ACOT7: variants seen among roughly 807,000 people sequenced by gnomAD.
ACOT7 encodes cytosolic acyl coenzyme A thioester hydrolase.
ACOT7 carries 12 observed loss-of-function variants against 40.2 expected under a neutral mutation model. The observed-to-expected ratio is 0.30, with a 90% confidence interval of 0.19 to 0.48. The LOEUF (loss-of-function observed/expected upper bound fraction) is 0.48, where lower values mean the gene tolerates loss of function less well. Ranked by LOEUF, ACOT7 falls within the 20% of genes least tolerant of loss-of-function variation. The probability of loss-of-function intolerance (pLI) is 0.99; values close to 1 mark genes in which losing one functional copy is unlikely to be tolerated. For synonymous variants in ACOT7, 228 were observed against 219.5 expected (o/e 1.04, Z -0.34); for missense variants, 395 against 530.8 (o/e 0.74, Z 2.51).
intron 1 of ACOT7, among the ~76,000 whole-genome samples, chr1:6,387,859 C>T (rs1330834607): frequency 6.6e-6 from 1 of 152,202 alleles, no homozygotes; most frequent in East Asian, 1.9e-4. Flanking sequence ...AGCAAGAGAG[C>T]CAGCACTGTA....
At chr1:6,349,957 G>A (rs1641542839) in intron 1 of ACOT7, 91 bp from the exon 2 acceptor site, 3 of 1,205,860 alleles carry the variant, frequency 2.5e-6, no homozygotes, top group African/African-American at 3.0e-5. Flanking sequence ...GTCCCCAAAG[G>A]GCTCAATGGC....
intron 6 of ACOT7, chr1:6,295,252 G>C (rs1490698264): frequency 3.5e-6 from 1 of 284,556 alleles, no homozygotes; most frequent in East Asian, 6.9e-5. Context: ...ATCTCACCCT[G>C]CTGGGCAAGT....
intron 2 of ACOT7, among the ~76,000 whole-genome samples, chr1:6,346,696 G>A (rs1053269225): frequency 6.6e-6 from 1 of 152,238 alleles, no homozygotes; most frequent in Non-Finnish European, 1.5e-5. Context: ...AGGCAGCAGG[G>A]ACCAGCAGGG....
chr1:6,306,806 C>T lies in ACOT7; in HGVS notation c.712+11686G>A. ...TGTGTCCCACGTAGCAGTGGGGGCT[C>T]CGGCCAAACAAGGTCACGGAATTGG... On this transcript the variant is annotated intron_variant, in intron 6 of 8. Transcript: ENST00000361521. The surrounding 1 kb of genome is among the most constrained non-coding windows in gnomAD (Gnocchi z 4.3). 11 of 1,288,898 alleles carry T rather than the reference C, an allele frequency of 8.5e-6. No individual in the cohort carries two copies. Among genetic ancestry groups the T allele is most frequent in the Non-Finnish European group, 1.1e-5 (11 of 988,526 alleles). 79.8% of individuals were successfully genotyped at this position (1,288,898 alleles called of 1,614,324 possible).
intron 1 of ACOT7, among the ~76,000 whole-genome samples, chr1:6,381,860 C>T (rs1642341489): frequency 6.6e-6 from 1 of 151,880 alleles, no homozygotes; most frequent in African/African-American, 2.4e-5. Flanking sequence ...ATGAGCCGGG[C>T]GCGGTGGCTC....
At chr1:6,357,809 A>T (rs1319805452) in intron 1 of ACOT7, among the ~76,000 whole-genome samples, 1 of 151,650 alleles carries the variant, frequency 6.6e-6, no homozygotes, top group African/African-American at 2.4e-5. Context: ...GCACACATAA[A>T]TGCCTCCTCT....
At chr1:6,310,246 G>C (rs545339472) in intron 6 of ACOT7, among the ~76,000 whole-genome samples, 11 of 152,346 alleles carry the variant, frequency 7.2e-5, no homozygotes, top group African/African-American at 2.6e-4. Context: ...GGTGGGAAGA[G>C]GGTGAGGGCA....
At position 6,274,680 on chromosome 1, in the gene ACOT7, T is replaced by C. The variant is rs1639138605; in HGVS notation, c.1014+6422A>G. ...CCCAGCAGAGGCAAAAGAATCAAACTGGAGTGGAAAACTTTCCACTAAAAT... is the reference window on the plus strand; with the variant it reads ...CCCAGCAGAGGCAAAAGAATCAAACCGGAGTGGAAAACTTTCCACTAAAAT... On this transcript the variant is annotated intron_variant, in intron 8 of 8. Transcript: ENST00000361521. The surrounding 1 kb of genome is among the most constrained non-coding windows in gnomAD (Gnocchi z 5.9). Among the ~76,000 whole-genome samples, 2 of 152,120 alleles carry C rather than the reference T, an allele frequency of 1.3e-5. No individual in the cohort carries two copies. Among genetic ancestry groups the C allele is most frequent in the South Asian group, 4.1e-4 (2 of 4,826 alleles).
At chr1:6,339,294 G>A in intron 3 of ACOT7, 139 bp downstream of exon 3, 1 of 1,220,324 alleles carries the variant, frequency 8.2e-7, no homozygotes, top group Non-Finnish European at 1.1e-6. Flanking sequence ...GCTGCTCCCA[G>A]GGCCATGGTG....
chr1:6,371,793 T>G (rs1223398648), intron 1 of ACOT7, among the ~76,000 whole-genome samples: 3 of 151,802 alleles, frequency 2.0e-5, no homozygotes, highest in African/African-American at 7.3e-5. Flanking sequence ...GCCTGTAATC[T>G]CAGCATTTTG....
At chr1:6,343,780 C>T (rs190774102) in intron 2 of ACOT7, among the ~76,000 whole-genome samples, 3 of 152,386 alleles carry the variant, frequency 2.0e-5, no homozygotes, top group African/African-American at 7.2e-5. Context: ...AAGTACATTA[C>T]GGTATGCTAT....
Position 6,299,119 on chromosome 1 carries a change from C to T in ACOT7, c.713-4139G>A, listed in dbSNP as rs565952829. ...GAGTCCCCATCACCTCCGCCACTGC[C>T]GGCTGGGTGACCTTGGGCAGGCAGG... is the stretch of plus-strand genomic sequence containing the variant. On this transcript the variant is annotated intron_variant, in intron 6 of 8. Coordinates refer to ENST00000361521, the MANE Select transcript of ACOT7 (RefSeq NM_007274.4). The surrounding 1 kb of genome is among the most constrained non-coding windows in gnomAD (Gnocchi z 4.1). Among the ~76,000 whole-genome samples the T allele has an allele frequency of 7.9e-5, 12 of 152,350 alleles. No homozygotes were observed. In the South Asian group the frequency reaches 1.4e-3, roughly 18 times the overall value.
intron 6 of ACOT7, among the ~76,000 whole-genome samples, chr1:6,305,027 A>ACC (rs1306997534): frequency 8.7e-6 from 1 of 115,144 alleles, no homozygotes; most frequent in East Asian, 2.6e-4. Context: ...CGGGGCGCTG[A>ACC]CCCCCCCGCC....
At chr1:6,369,398 C>CTTTTTTTTTTTTTTTT (rs60404741) in intron 1 of ACOT7, among the ~76,000 whole-genome samples, 1 of 100,912 alleles carries the variant, frequency 9.9e-6, no homozygotes, top group African/African-American at 4.3e-5. Flanking sequence ...AAATGCATTT[C>CTTTTTTTTTTTTTTTT]TTTTTTTTTT....
chr1:6,309,706 T>C (rs1640278018), intron 6 of ACOT7, among the ~76,000 whole-genome samples: 2 of 152,196 alleles, frequency 1.3e-5, no homozygotes, highest in South Asian at 4.1e-4. Context: ...GGCTTAGGCT[T>C]AATGGGTCTC....
chr1:6,292,955 T>C (rs1639714400), intron 7 of ACOT7, among the ~76,000 whole-genome samples: 1 of 149,568 alleles, frequency 6.7e-6, no homozygotes, highest in African/African-American at 2.5e-5. Flanking sequence ...AGTGGCGCGA[T>C]CTCGGCTCAC....
chr1:6,351,451 T>C (rs1301537126), intron 1 of ACOT7, among the ~76,000 whole-genome samples: 4 of 152,284 alleles, frequency 2.6e-5, no homozygotes, highest in Non-Finnish European at 4.4e-5. Context: ...TTTTTTTGTC[T>C]GAGTTATGAG....
chr1:6,280,962 G>A, intron 8 of ACOT7, 140 bp downstream of exon 8: 1 of 1,211,402 alleles, frequency 8.3e-7, no homozygotes, highest in South Asian at 1.4e-5. Context: ...GGTCACGGCA[G>A]TGGCCAGGCC....
chr1:6,386,813 T>G (rs1435626000), intron 1 of ACOT7, among the ~76,000 whole-genome samples: 1 of 152,182 alleles, frequency 6.6e-6, no homozygotes, highest in Non-Finnish European at 1.5e-5. Flanking sequence ...GAACCATGAT[T>G]GCACCACTGC....
Sources: allele counts gnomAD v4.1 joint callset (sites outside exome capture counted in the v4.1 genomes callset), GRCh38; gene constraint gnomAD v4.1.1; non-coding constraint Gnocchi (gnomAD v3.1); transcripts MANE v1.5; gene names NCBI Gene and HGNC (gene_info 2026-07-23, HGNC 2026-07-21).